SH3YL1: variants seen among roughly 807,000 people sequenced by gnomAD.
SH3YL1 encodes SH3 and SYLF domain containing 1.
SH3YL1 carries 41 observed loss-of-function variants against 45.8 expected under a neutral mutation model. The observed-to-expected ratio is 0.89, with a 90% CI of 0.70 to 1.16. The LOEUF (loss-of-function observed/expected upper bound fraction) is 1.16, where lower values mean the gene tolerates loss of function less well. Ranked by LOEUF, SH3YL1 falls within the 50% of genes most tolerant of loss-of-function variation. The probability of loss-of-function intolerance (pLI) is 0.00; values close to 1 mark genes in which losing one functional copy is unlikely to be tolerated. For missense variants in SH3YL1, 389 were observed against 409.6 expected (o/e 0.95, Z 0.43); for synonymous variants, 152 against 151.4 (o/e 1.00, Z -0.03).
chr2:236,672 T>G (rs1031480526), intron 4 of SH3YL1, among the ~76,000 whole-genome samples: 1 of 152,142 alleles, frequency 6.6e-6, no homozygotes, highest in Admixed American at 6.5e-5. Flanking sequence ...CAATAAAACA[T>G]GCAAAGGTCA....
chr2:231,571 A>T (rs527882364), intron 6 of SH3YL1, among the ~76,000 whole-genome samples: 6 of 152,316 alleles, frequency 3.9e-5, no homozygotes, highest in African/African-American at 1.4e-4. Context: ...AAATTTCTTT[A>T]AAAAATGGTA....
chr2:220,392 G>C (rs1009611565), intron 9 of SH3YL1, among the ~76,000 whole-genome samples: 2 of 151,596 alleles, frequency 1.3e-5, no homozygotes, highest in African/African-American at 4.8e-5. Context: ...AGATAATACT[G>C]GTATAACTAC....
intron 1 of SH3YL1, chr2:263,604 C>T (rs895251718): frequency 9.8e-6 from 2 of 203,108 alleles, no homozygotes; most frequent in Non-Finnish European, 2.0e-5. Flanking sequence ...CCGCGCCTGC[C>T]GCGGGTTCCA....
At chr2:243,381 G>T in intron 4 of SH3YL1, 1 of 984,006 alleles carries the variant, frequency 1.0e-6, no homozygotes, top group Non-Finnish European at 1.4e-6. Flanking sequence ...GATAAATTTG[G>T]GAAATTTATA....
chr2:243,591 G>A (rs1190379382), intron 4 of SH3YL1: 27 of 1,517,922 alleles, frequency 1.8e-5, no homozygotes, highest in East Asian at 5.0e-5. Context: ...ACCTCGAGTC[G>A]GTAACCTGAA....
In SH3YL1 at chr2:253,264, T is replaced by A. The variant is rs1198730102; in HGVS notation, c.2-149A>T. On this transcript the variant is annotated intron_variant, in intron 1 of 9. Transcript: ENST00000356150. Reference sequence around the variant, plus strand: ...GAATAGGAGCTGGGTGAAATAAGGCTGAGACCTACTGGGCTGCATTCCCAG... The same window carrying A: ...GAATAGGAGCTGGGTGAAATAAGGCAGAGACCTACTGGGCTGCATTCCCAG... 8.6e-6 allele frequency: 5 copies of A among 580,302 alleles called. No homozygotes were observed. The East Asian group carries it at 1.5e-4, about 17-fold the overall frequency. The allele number at this position is 580,302 out of a possible 1,614,324, so 35.9% of individuals were successfully genotyped here.
intron 4 of SH3YL1, among the ~76,000 whole-genome samples, chr2:238,120 A>T (rs1206216768): frequency 1.3e-5 from 2 of 152,084 alleles, no homozygotes; most frequent in Non-Finnish European, 2.9e-5. Context: ...CAAGCCCCAC[A>T]TCTGGACAAC....
intron 4 of SH3YL1, chr2:243,620 G>C (rs568538722): frequency 6.7e-7 from 1 of 1,499,470 alleles, no homozygotes; most frequent in African/African-American, 1.4e-5. Flanking sequence ...CAACATGGAC[G>C]AAGAAGAGTT....
chr2:218,703 T>C lies in SH3YL1; in HGVS notation c.*108A>G. 1.0e-6 allele frequency: 1 copy of C among 959,828 alleles called. No homozygotes were observed. The highest frequency in any genetic ancestry group is 1.5e-6 in the Non-Finnish European group (1 of 670,748). 59.5% of individuals were successfully genotyped at this position (959,828 alleles called of 1,614,324 possible). On this transcript the variant is annotated 3_prime_UTR_variant, in exon 10 of 10. Transcript: ENST00000356150. ...TTTTACATACGGAATGGAAATTTTG[T>C]AGAACAGAAGTTTTTTAAAATTTAT...
intron 1 of SH3YL1, among the ~76,000 whole-genome samples, chr2:257,861 C>G (rs1669415304): frequency 6.6e-6 from 1 of 152,152 alleles, no homozygotes; most frequent in African/African-American, 2.4e-5. Context: ...CTGTTTCAGT[C>G]TTCTGTGTAT....
At chr2:255,504 G>A (rs1669278675) in intron 1 of SH3YL1, among the ~76,000 whole-genome samples, 1 of 152,178 alleles carries the variant, frequency 6.6e-6, no homozygotes, top group Admixed American at 6.5e-5. Context: ...GGCGGAGGCA[G>A]GAAGATCACT....
chr2:263,949 G>A (rs1036506696), intron 1 of SH3YL1, 35 bp downstream of exon 1: 25 of 1,484,232 alleles, frequency 1.7e-5, no homozygotes, highest in Middle Eastern at 1.7e-4. Flanking sequence ...GAGAGGGGAG[G>A]GTGCTGCCGG....
chr2:225,719 T>A (rs1388113013), intron 8 of SH3YL1, among the ~76,000 whole-genome samples: 1 of 152,228 alleles, frequency 6.6e-6, no homozygotes, highest in African/African-American at 2.4e-5. Flanking sequence ...ACAAAATATA[T>A]GCAAATTAAG....
intron 4 of SH3YL1, chr2:239,440 G>C (rs370239905): frequency 5.7e-4 from 87 of 152,280 alleles, no homozygotes; most frequent in African/African-American, 2.1e-3. Context: ...GAGATGTCCG[G>C]AGAAAAACTG....
intron 1 of SH3YL1, chr2:259,705 A>G (rs1669506246): frequency 6.6e-6 from 1 of 151,604 alleles, no homozygotes; most frequent in Non-Finnish European, 1.5e-5. Context: ...AAATTAACCC[A>G]AATATATTTA....
intron 4 of SH3YL1, among the ~76,000 whole-genome samples, chr2:236,974 A>G (rs565034863): frequency 3.5e-4 from 54 of 152,168 alleles, no homozygotes; most frequent in Non-Finnish European, 6.2e-4. Context: ...CCAACTGTTC[A>G]TTTTATTTTA....
At chr2:243,600 A>G in intron 4 of SH3YL1, 2 of 1,517,966 alleles carry the variant, frequency 1.3e-6, no homozygotes, top group Non-Finnish European at 1.8e-6. Flanking sequence ...CGGTAACCTG[A>G]ACTACCTATC....
chr2:263,627 G>C, intron 1 of SH3YL1: 2 of 249,674 alleles, frequency 8.0e-6, no homozygotes, highest in South Asian at 1.6e-4. Context: ...CACATTCCAA[G>C]CGCGCGCATT....
At chr2:240,934 C>T (rs1052964911) in intron 4 of SH3YL1, 1 of 152,000 alleles carries the variant, frequency 6.6e-6, no homozygotes, top group South Asian at 2.1e-4. Context: ...GGTTGAGCAC[C>T]CAGAGTTGAT....
Sources: gnomAD v4.1 joint callset for allele counts (sites outside exome capture counted in the v4.1 genomes callset) on GRCh38, gnomAD v4.1.1 for gene constraint, MANE v1.5 for transcripts, NCBI Gene and HGNC (gene_info 2026-07-23, HGNC 2026-07-21) for gene names.